The following TFEC variants were observed in gnomAD, a reference collection of about 807,000 sequenced individuals.
The protein encoded by TFEC is class E basic helix-loop-helix protein 34.
TFEC carries 31 observed loss-of-function variants against 41.6 expected under a neutral mutation model. The observed-to-expected ratio is 0.74, with a 90% CI of 0.56 to 1.01. The LOEUF (loss-of-function observed/expected upper bound fraction) is 1.01, where lower values mean the gene tolerates loss of function less well. Among genes scored for constraint, TFEC ranks in the 50% least tolerant of loss-of-function variants. The pLI, the probability that TFEC is intolerant of heterozygous loss-of-function variation, is 0.00. For missense variants in TFEC, 402 were observed against 404.1 expected, an observed-to-expected ratio of 0.99 and a Z score of 0.04; for synonymous variants, 143 against 140.6, an observed-to-expected ratio of 1.02 and a Z score of -0.12.
intron 1 of TFEC, among the ~76,000 whole-genome samples, chr7:116,114,064 T>C (rs1363756891): frequency 6.6e-6 from 1 of 152,066 alleles, no homozygotes; most frequent in Admixed American, 6.6e-5. Context: ...AGAAAACTCG[T>C]TATCTTAATT....
At chr7:116,047,440 G>A (rs1431940631) in intron 3 of TFEC, among the ~76,000 whole-genome samples, 2 of 152,126 alleles carry the variant, frequency 1.3e-5, no homozygotes, top group Non-Finnish European at 2.9e-5. Flanking sequence ...CCAGGTGGCA[G>A]TGAGGCTGGG....
At position 115,941,943 on chromosome 7, in the gene TFEC, T is replaced by C; in HGVS notation, c.613A>G (p.Arg205Gly). ...TTAGCCTGCTCTAATTTCTTCTGTCTGTGTTCCAATTCTCGGGCTCTCTGT... is the reference window on the plus strand; with the variant it reads ...TTAGCCTGCTCTAATTTCTTCTGTCCGTGTTCCAATTCTCGGGCTCTCTGT... ...EQQRARELEHRQKKLEQANRR... is the reference protein window; with the variant it reads ...EQQRARELEHGQKKLEQANRR... The change falls in exon 7 of 8, where the codon AGA becomes GGA. Residue 205 changes from arginine to glycine, a missense_variant. Arg to Gly is a moderately radical substitution (Grantham distance 125). Coordinates refer to ENST00000265440, the MANE Select transcript of TFEC (RefSeq NM_012252.4). The C allele has an allele frequency of 6.2e-7, 1 of 1,613,288 alleles. No individual in the cohort carries two copies. Among genetic ancestry groups the C allele is most frequent in the Non-Finnish European group, 8.5e-7 (1 of 1,179,478 alleles).
At chr7:116,140,850 A>G (rs985174455) in intron 1 of TFEC, among the ~76,000 whole-genome samples, 2 of 152,228 alleles carry the variant, frequency 1.3e-5, no homozygotes, top group African/African-American at 4.8e-5. Context: ...TCCATGAGAC[A>G]TGAAATTCTA....
chr7:115,984,141 C>A (rs1274104374), intron 2 of TFEC, 121 bp downstream of exon 2: 3 of 1,223,968 alleles, frequency 2.5e-6, no homozygotes, highest in Non-Finnish European at 3.4e-6. Context: ...TAATTAAAAG[C>A]ACATTTCTTT....
At chr7:116,030,361 T>C (rs1795747773) in intron 1 of TFEC, among the ~76,000 whole-genome samples, 1 of 152,100 alleles carries the variant, frequency 6.6e-6, no homozygotes, top group South Asian at 2.1e-4. Flanking sequence ...ATATTAAACT[T>C]GAAAAATAAA....
chr7:115,940,414 C>T lies in TFEC; in HGVS notation c.*137G>A. ...TTTCTTCCTGCGAATTCTTCTGTTG[C>T]TTCTATCAGTTTTTCATGAACAACA... On this transcript the variant is annotated 3_prime_UTR_variant, in exon 8 of 8. Transcript: ENST00000265440. 2 of 927,270 alleles carry T rather than the reference C, an allele frequency of 2.2e-6. No homozygotes were observed. The highest frequency in any genetic ancestry group is 3.1e-6 in the Non-Finnish European group (2 of 653,666). 57.4% of individuals were successfully genotyped at this position (927,270 alleles called of 1,614,324 possible).
intron 1 of TFEC, among the ~76,000 whole-genome samples, chr7:116,025,384 C>T (rs983930963): frequency 6.6e-6 from 1 of 152,046 alleles, no homozygotes; most frequent in Admixed American, 6.6e-5. Context: ...GAGGTCCTTC[C>T]TTTGCACTCT....
chr7:115,964,049 A>G (rs1373088936), intron 3 of TFEC, among the ~76,000 whole-genome samples: 2 of 151,668 alleles, frequency 1.3e-5, no homozygotes, highest in African/African-American at 4.8e-5. Flanking sequence ...AATTAGGCAA[A>G]AAAAGTAACA....
intron 1 of TFEC, among the ~76,000 whole-genome samples, chr7:116,142,067 C>A (rs967537349): frequency 6.6e-6 from 1 of 152,118 alleles, no homozygotes; most frequent in African/African-American, 2.4e-5. Flanking sequence ...GAACACTGTG[C>A]CTTACTGTGA....
intron 1 of TFEC, among the ~76,000 whole-genome samples, chr7:116,151,163 A>G (rs552944281): frequency 6.6e-6 from 1 of 152,238 alleles, no homozygotes; most frequent in Non-Finnish European, 1.5e-5. Context: ...TAAAAGAATG[A>G]TCAATCTTAA....
chr7:116,066,796 G>A (rs1472837123), intron 3 of TFEC, among the ~76,000 whole-genome samples: 2 of 152,018 alleles, frequency 1.3e-5, no homozygotes, highest in South Asian at 2.1e-4. Flanking sequence ...TGCCCTCGTG[G>A]TCTTGAGAAG....
At position 115,940,558 on chromosome 7, in the gene TFEC, T is replaced by A. The variant is rs556971169; in HGVS notation, c.1037A>T (p.Glu346Val). 3.1e-6 allele frequency: 5 copies of A among 1,608,250 alleles called. No homozygotes were observed. The Admixed American group carries it at 5.0e-5, about 16-fold the overall frequency. The part of the protein sequence containing the change: ...RSSFSSDDGD[E>V]L ...ATTGGGTCTGTTTATTTCTTATAATTCATCACCATCATCTGAGCTAAAGCT... is the reference window on the plus strand; with the variant it reads ...ATTGGGTCTGTTTATTTCTTATAATACATCACCATCATCTGAGCTAAAGCT... Residue 346 changes from glutamate (E) to valine (V), a missense_variant, in exon 8 of 8, where the codon GAA (glutamate) becomes GTA (valine). Transcript: ENST00000265440.
intron 3 of TFEC, among the ~76,000 whole-genome samples, chr7:115,957,895 T>C (rs576408289): frequency 9.7e-4 from 148 of 151,958 alleles, no homozygotes; most frequent in African/African-American, 3.5e-3. Context: ...ATATCCAAAA[T>C]TAGTTTCTGA....
chr7:115,942,005 G>T lies in TFEC; in HGVS notation c.551C>A (p.Ala184Glu), dbSNP rs1213293428. The T allele has an allele frequency of 6.2e-7, 1 of 1,612,886 alleles. No homozygotes were observed. The highest frequency in any genetic ancestry group is 1.7e-5 in the Admixed American group (1 of 59,894). The change falls in exon 7 of 8, where the codon GCA (alanine) becomes GAA (glutamate). Residue 184 changes from alanine (A) to glutamate (E), a missense_variant. Physicochemically the swap from Ala to Glu is moderately radical, Grantham distance 107. Coordinates refer to ENST00000265440, the MANE Select transcript of TFEC (RefSeq NM_012252.4). ...TAGCCACTTGATGTACTCCACTGAT[G>T]CTTTTAGAATGGTTCCTTTGTTCCA... ...MRWNKGTILK[A>E]SVEYIKWLQK...
chr7:116,054,645 AT>A (rs1298052284), intron 3 of TFEC, among the ~76,000 whole-genome samples: 3 of 152,150 alleles, frequency 2.0e-5, no homozygotes, highest in Non-Finnish European at 4.4e-5. Context: ...TGAATTTCAG[AT>A]TTTTTTAAAT....
Position 115,935,536 on chromosome 7 carries a change from T to C in TFEC, c.*5015A>G, listed in dbSNP as rs933682778. 1.3e-5 allele frequency: 2 copies of C among 151,986 alleles called. No individual in the cohort carries two copies. The highest frequency in any genetic ancestry group is 3.2e-3 in the Middle Eastern group (1 of 316). The allele number at this position is 151,986 out of a possible 1,614,324, so 9.4% of individuals were successfully genotyped here. On this transcript the variant is annotated 3_prime_UTR_variant, in exon 8 of 8. Coordinates refer to ENST00000265440, the MANE Select transcript of TFEC (RefSeq NM_012252.4). ...GTTAGATAAGATTCTTGAATTTCGT[T>C]TGCTTTTAAAATTCAGTATCATATT... is the stretch of plus-strand genomic sequence containing the variant.
intron 3 of TFEC, among the ~76,000 whole-genome samples, chr7:116,108,561 A>T (rs1257961357): frequency 1.3e-5 from 2 of 152,152 alleles, no homozygotes; most frequent in African/African-American, 4.8e-5. Context: ...TGCTCAAAAT[A>T]TAGTATTAAA....
intron 1 of TFEC, among the ~76,000 whole-genome samples, chr7:115,999,156 T>A (rs1794489550): frequency 6.6e-6 from 1 of 151,834 alleles, no homozygotes; most frequent in Non-Finnish European, 1.5e-5. Context: ...CTGACCACAA[T>A]GAAATAAAAC....
intron 2 of TFEC, among the ~76,000 whole-genome samples, chr7:115,982,425 C>T (rs1012406801): frequency 1.3e-5 from 2 of 152,120 alleles, no homozygotes; most frequent in Non-Finnish European, 2.9e-5. Flanking sequence ...ACTCCAAGAA[C>T]CAGTAAAAGT....
Sources: gnomAD v4.1 joint callset for allele counts (sites outside exome capture counted in the v4.1 genomes callset) on GRCh38, gnomAD v4.1.1 for gene constraint, MANE v1.5 for transcripts, NCBI Gene and HGNC (gene_info 2026-07-23, HGNC 2026-07-21) for gene names.